The following SLC12A4 variants were observed in gnomAD, a reference collection of about 807,000 sequenced individuals.
SLC12A4 encodes electroneutral potassium-chloride cotransporter 1.
SLC12A4 carries 84 observed loss-of-function variants against 119.2 expected under a neutral mutation model. The observed-to-expected ratio is 0.70, with a 90% confidence interval of 0.59 to 0.85. The LOEUF is 0.85. Ranked by LOEUF, SLC12A4 falls within the 40% of genes least tolerant of loss-of-function variation. SLC12A4 has a pLI of 0.00. For synonymous variants in SLC12A4, 599 were observed against 604.6 expected (o/e 0.99, Z 0.14); for missense variants, 1,298 against 1,476.3 (o/e 0.88, Z 1.98).
intron 17 of SLC12A4, 83 bp from the exon 18 acceptor site, chr16:67,946,716 A>C: frequency 6.7e-7 from 1 of 1,486,028 alleles, no homozygotes; most frequent in Non-Finnish European, 9.1e-7. Context: ...CGGGAACAAA[A>C]CGACTTTTGG....
chr16:67,950,726 A>G lies in SLC12A4; in HGVS notation c.1397-15T>C. The G allele has an allele frequency of 6.2e-7, 1 of 1,600,570 alleles. No individual in the cohort carries two copies. Among genetic ancestry groups the G allele is most frequent in the Non-Finnish European group, 8.5e-7 (1 of 1,173,940 alleles). On this transcript the variant is annotated splice_polypyrimidine_tract_variant and intron_variant, in intron 10 of 23. Coordinates refer to ENST00000316341, the MANE Select transcript of SLC12A4 (RefSeq NM_005072.5). The surrounding 1 kb of genome is among the most constrained non-coding windows in gnomAD (Gnocchi z 4.3). ...ACTGCTGAAGTCTGCGGCGGCGTCA[A>G]GGAAAACTCGGCCTCTGCCACCCCA...
In SLC12A4 at chr16:67,957,809, G is replaced by A. The variant is rs755745026; in HGVS notation, c.490-13C>T. ...CCGTCAGCAGGGTCTGTGGGAAGGAGGGCCTGGGTGAGCGGCTCAGCTGGG... is the reference window on the plus strand; with the variant it reads ...CCGTCAGCAGGGTCTGTGGGAAGGAAGGCCTGGGTGAGCGGCTCAGCTGGG... On this transcript the variant is annotated splice_polypyrimidine_tract_variant and intron_variant, in intron 4 of 23. Coordinates refer to ENST00000316341, the MANE Select transcript of SLC12A4 (RefSeq NM_005072.5). 5 of 1,614,076 alleles carry A rather than the reference G, an allele frequency of 3.1e-6. No individual in the cohort carries two copies. The highest frequency in any genetic ancestry group is 3.3e-5 in the Admixed American group (2 of 60,010).
Position 67,954,750 on chromosome 16 carries a change from A to C in SLC12A4, c.568T>G (p.Ser190Ala), listed in dbSNP as rs2030154135. 1.2e-6 allele frequency: 2 copies of C among 1,614,122 alleles called. No homozygotes were observed. The highest frequency in any genetic ancestry group is 1.7e-6 in the Non-Finnish European group (2 of 1,180,006). The change falls in exon 6 of 24, where the codon TCT (serine) becomes GCT (alanine). Residue 190 changes from serine to alanine, a missense_variant. Ser to Ala is a moderately conservative substitution (Grantham distance 99, BLOSUM62 1). Transcript: ENST00000316341. ...VPAGGSYFMI[S>A]RSLGPEFGGA... ...CCAAATTCTGGCCCCAGTGAACGAG[A>C]GATCATGAAATAGGAGCCCCCAGCT...
At position 67,950,989 on chromosome 16, in the gene SLC12A4, G is replaced by C; in HGVS notation, c.1369C>G (p.Leu457Val). The C allele has an allele frequency of 6.2e-7, 1 of 1,613,888 alleles. No individual in the cohort carries two copies. Among genetic ancestry groups the C allele is most frequent in the Non-Finnish European group, 8.5e-7 (1 of 1,180,004 alleles). Residue 457 changes from leucine (L) to valine (V), a missense_variant, in exon 10 of 24, where the codon CTG becomes GTG. Coordinates refer to ENST00000316341, the MANE Select transcript of SLC12A4 (RefSeq NM_005072.5). The surrounding 1 kb of genome is among the most constrained non-coding windows in gnomAD (Gnocchi z 4.3). ...ACGAGGGAAGTTGTAATGATGGCCA[G>C]AATGGTCCCCACAGGGATAGACTTC... is the stretch of plus-strand genomic sequence containing the variant. ...AQKSIPVGTI[L>V]AIITTSLVYF... is the part of the protein sequence containing the mutation.
Position 67,961,580 on chromosome 16 carries a change from CTGCCCTCCGGCGGG to C in SLC12A4, c.323_336del (p.Thr108SerfsTer130), listed in dbSNP as rs2030572986. The C allele has an allele frequency of 6.2e-7, 1 of 1,613,244 alleles. No homozygotes were observed. Among genetic ancestry groups the C allele is most frequent in the Non-Finnish European group, 8.5e-7 (1 of 1,179,970 alleles). On this transcript the variant is annotated frameshift_variant, in exon 3 of 24. Transcript: ENST00000316341. LOFTEE classifies it high-confidence loss of function. ...TGCCGCCCCAACCAGCTCACCTCGG[CTGCCCTCCGGCGGG>C]TGCCCTCCCCACTCTCGGCCTCCTC...
At chr16:67,963,611 G>C (rs759497106) in intron 1 of SLC12A4, 52 bp from the exon 2 acceptor site, 25 of 1,366,638 alleles carry the variant, frequency 1.8e-5, no homozygotes, top group Non-Finnish European at 2.4e-5. Flanking sequence ...CCCCAGCCTG[G>C]GCCCCTTCCC....
chr16:67,958,683 TTG>T (rs2030403246), intron 3 of SLC12A4, among the ~76,000 whole-genome samples: 1 of 152,074 alleles, frequency 6.6e-6, no homozygotes, highest in Admixed American at 6.6e-5. Flanking sequence ...ACTCCTTGGC[TTG>T]GGCCACCAGA....
intron 1 of SLC12A4, among the ~76,000 whole-genome samples, chr16:67,968,058 C>T (rs28534406): frequency 0.036 from 5,547 of 152,166 alleles, 296 homozygotes; most frequent in African/African-American, 0.12. Context: ...AATGAGGAAC[C>T]GAGGCGAGAA....
intron 3 of SLC12A4, among the ~76,000 whole-genome samples, chr16:67,960,210 G>A (rs1183083213): frequency 6.6e-6 from 1 of 152,138 alleles, no homozygotes; most frequent in Non-Finnish European, 1.5e-5. Flanking sequence ...TTCACTCCCC[G>A]CCACCAGCTC....
intron 6 of SLC12A4, 31 bp downstream of exon 6, chr16:67,954,612 C>G: frequency 1.2e-6 from 2 of 1,613,496 alleles, no homozygotes; most frequent in South Asian, 1.1e-5. Flanking sequence ...TTGGACATGG[C>G]CAGAGTTGGC....
chr16:67,968,366 C>T (rs557332351), intron 1 of SLC12A4, 73 bp downstream of exon 1: 3 of 1,352,980 alleles, frequency 2.2e-6, no homozygotes, highest in South Asian at 1.4e-5. Flanking sequence ...TAGGTGCGGG[C>T]GCGGGCCCGG....
intron 1 of SLC12A4, among the ~76,000 whole-genome samples, chr16:67,964,561 C>T (rs908492538): frequency 6.6e-6 from 1 of 152,106 alleles, no homozygotes; most frequent in African/African-American, 2.4e-5. Flanking sequence ...CCCTCGCAGC[C>T]CCGGCCCTGG....
rs1233175163 is a variant in SLC12A4, at chr16:67,945,502, AGTACAGGCTCTCCAG to A, written c.2884_2898del (p.Leu962_Tyr966del). On this transcript the variant is annotated inframe_deletion, in exon 22 of 24. Transcript: ENST00000316341. ...ACTGCAGACTCATCTTCCTCGTCCG[AGTACAGGCTCTCCAG>A]CCGCAGGGCCGAGTGCCGATCCTTG... 1 of 1,614,038 alleles carries A rather than the reference AGTACAGGCTCTCCAG, an allele frequency of 6.2e-7. No individual in the cohort carries two copies. The highest frequency in any genetic ancestry group is 8.5e-7 in the Non-Finnish European group (1 of 1,180,008).
chr16:67,946,746 C>T, intron 17 of SLC12A4, 113 bp from the exon 18 acceptor site: 1 of 1,325,106 alleles, frequency 7.5e-7, no homozygotes, highest in Non-Finnish European at 1.0e-6. Context: ...GGCCTGGGGG[C>T]AACAAGCTGC....
At position 67,951,407 on chromosome 16, in the gene SLC12A4, A is replaced by G. The variant is rs541599283; in HGVS notation, c.1133-103T>C. 2 of 1,324,724 alleles carry G rather than the reference A, an allele frequency of 1.5e-6. No individual in the cohort carries two copies. The highest frequency in any genetic ancestry group is 2.3e-5 in the East Asian group (1 of 42,572). The allele number at this position is 1,324,724 out of a possible 1,614,324, so 82.1% of individuals were successfully genotyped here. A position where few individuals can be genotyped will look rare whatever the true frequency, so the allele number is the denominator to read the frequency against. ...AGATGCAGGGCAACTTTGGGGACTC[A>G]GGGAACAGCTTCAGCCCAATGACTG... On this transcript the variant is annotated intron_variant, in intron 8 of 23. Transcript: ENST00000316341. This position sits in a 1 kb window ranked among gnomAD's most constrained non-coding sequence, Gnocchi z 5.2.
intron 3 of SLC12A4, among the ~76,000 whole-genome samples, chr16:67,961,302 T>G (rs1039966463): frequency 2.0e-5 from 3 of 152,280 alleles, no homozygotes; most frequent in South Asian, 4.1e-4. Flanking sequence ...CCTGGTGTGG[T>G]ACCTCGCACA....
rs769045467 is a variant in SLC12A4, at chr16:67,946,079, A to C, written c.2611T>G (p.Trp871Gly). Reference sequence around the variant, plus strand: ...AAGATGCGCATCCGGCACTTCCTCCAGACCTGAGGCAAGGGACCAGGTGGG... The same window carrying C: ...AAGATGCGCATCCGGCACTTCCTCCCGACCTGAGGCAAGGGACCAGGTGGG... Reference protein sequence around the residue: ...LPFLLRQHKVWRKCRMRIFTV... With the variant: ...LPFLLRQHKVGRKCRMRIFTV... Residue 871 changes from tryptophan (W) to glycine (G), a missense_variant, in exon 20 of 24, where the codon TGG (tryptophan) becomes GGG (glycine). Coordinates refer to ENST00000316341, the MANE Select transcript of SLC12A4 (RefSeq NM_005072.5). 1 of 1,613,794 alleles carries C rather than the reference A, an allele frequency of 6.2e-7. No individual in the cohort carries two copies. Among genetic ancestry groups the C allele is most frequent in the South Asian group, 1.1e-5 (1 of 91,080 alleles).
rs2058311390 is a variant in SLC12A4 at position 67,943,912 on chromosome 16, C to G, written c.*928G>C. The G allele has an allele frequency of 1.3e-6, 2 of 1,523,126 alleles. No homozygotes were observed. The highest frequency in any genetic ancestry group is 1.2e-5 in the South Asian group (1 of 80,156). 94.4% of individuals were successfully genotyped at this position (1,523,126 alleles called of 1,614,324 possible). A position where few individuals can be genotyped will look rare whatever the true frequency, so the allele number is the denominator to read the frequency against. Reference sequence around the variant, plus strand: ...GGCTGGGGCCCAGGCTCCCCAGGGTCTGGCGTGGTGCATCAGGGGCCTGGT... The same window carrying G: ...GGCTGGGGCCCAGGCTCCCCAGGGTGTGGCGTGGTGCATCAGGGGCCTGGT... On this transcript the variant is annotated 3_prime_UTR_variant, in exon 24 of 24. Transcript: ENST00000316341. The surrounding 1 kb of genome is among the most constrained non-coding windows in gnomAD (Gnocchi z 4.6).
intron 3 of SLC12A4, among the ~76,000 whole-genome samples, chr16:67,958,508 C>G (rs2030395739): frequency 6.6e-6 from 1 of 152,156 alleles, no homozygotes; most frequent in East Asian, 1.9e-4. Flanking sequence ...CTTGTCCCAG[C>G]CTTAGTCCCT....
Sources: gnomAD v4.1 joint callset for allele counts (sites outside exome capture counted in the v4.1 genomes callset) on GRCh38, gnomAD v4.1.1 for gene constraint, Gnocchi (gnomAD v3.1) non-coding constraint, MANE v1.5 for transcripts, NCBI Gene and HGNC (gene_info 2026-07-23, HGNC 2026-07-21) for gene names.